Variants in POP1 observed in about 807,000 individuals in gnomAD.
The protein encoded by POP1 is POP1 ribonuclease P/MRP subunit.
Under a neutral mutation model 102.2 loss-of-function variants are expected in POP1, and 75 were observed. The observed-to-expected ratio is 0.73, with a 90% CI of 0.61 to 0.89. The LOEUF is 0.89. Ranked by LOEUF, POP1 falls within the 40% of genes least tolerant of loss-of-function variation. The probability of loss-of-function intolerance (pLI) is 0.00; values close to 1 mark genes in which losing one functional copy is unlikely to be tolerated. For missense variants in POP1, 1,116 were observed against 1,267.4 expected, an observed-to-expected ratio of 0.88 and a Z score of 1.81; for synonymous variants, 436 against 464.1, an observed-to-expected ratio of 0.94 and a Z score of 0.78.
intron 11 of POP1, among the ~76,000 whole-genome samples, chr8:98,145,722 A>G: frequency 6.6e-6 from 1 of 152,234 alleles, no homozygotes; most frequent in Admixed American, 6.5e-5. Flanking sequence ...CCTAGCCAAC[A>G]CGGTGAAATA....
intron 14 of POP1, among the ~76,000 whole-genome samples, chr8:98,154,892 A>G (rs572231783): frequency 2.0e-5 from 3 of 152,360 alleles, no homozygotes; most frequent in African/African-American, 7.2e-5. Context: ...TGTTAAATGA[A>G]AAAAGTGAAG....
chr8:98,157,970 G>A lies in POP1; in HGVS notation c.2774G>A (p.Arg925His), dbSNP rs756634206. The A allele has an allele frequency of 2.1e-5, 34 of 1,613,444 alleles. No homozygotes were observed. The highest frequency in any genetic ancestry group is 2.5e-5 in the Non-Finnish European group (29 of 1,180,058). Residue 925 changes from arginine (R) to histidine (H), a missense_variant, in exon 16 of 16, where the codon CGT becomes CAT. Transcript: ENST00000401707. ...AGGGAGAAGAGGCAGAAGCCAGGAC[G>A]TGCCTCTTCTGATGGCCCGGCGGGG... Reference protein sequence around the residue: ...KKREKRQKPGRASSDGPAGEE... With the variant: ...KKREKRQKPGHASSDGPAGEE...
At chr8:98,124,254 G>GT (rs910855517) in intron 2 of POP1, among the ~76,000 whole-genome samples, 21 of 152,126 alleles carry the variant, frequency 1.4e-4, no homozygotes, top group Admixed American at 1.2e-3. Flanking sequence ...AGGAGGAGTT[G>GT]TTTTTTGGAT....
intron 4 of POP1, 69 bp from the exon 5 acceptor site, chr8:98,129,909 A>G (rs1428682320): frequency 6.5e-7 from 1 of 1,549,506 alleles, no homozygotes; most frequent in East Asian, 2.2e-5. Flanking sequence ...ATTTGTTTGC[A>G]TTCCTGACCG....
At chr8:98,146,956 A>AT (rs1406316205) in intron 12 of POP1, among the ~76,000 whole-genome samples, 2 of 152,200 alleles carry the variant, frequency 1.3e-5, no homozygotes, top group African/African-American at 4.8e-5. Flanking sequence ...ACATACTGTG[A>AT]TTTTTTTCTG....
chr8:98,133,437 T>G (rs1276438747), intron 5 of POP1, among the ~76,000 whole-genome samples: 2 of 152,176 alleles, frequency 1.3e-5, no homozygotes, highest in African/African-American at 4.8e-5. Context: ...ATTGCAATAT[T>G]GTATCTCTAG....
chr8:98,121,664 C>T (rs187194394), intron 1 of POP1, among the ~76,000 whole-genome samples: 18 of 150,612 alleles, frequency 1.2e-4, no homozygotes, highest in African/African-American at 3.6e-4. Flanking sequence ...ACTACAGGTG[C>T]GCGCCACTGC....
intron 5 of POP1, among the ~76,000 whole-genome samples, chr8:98,130,680 G>T (rs1816357344): frequency 6.6e-6 from 1 of 152,162 alleles, no homozygotes; most frequent in South Asian, 2.1e-4. Flanking sequence ...GTAGGAACCA[G>T]GTCGTGCAGG....
At chr8:98,142,523 T>C (rs558271660) in intron 11 of POP1, among the ~76,000 whole-genome samples, 103 of 152,370 alleles carry the variant, frequency 6.8e-4, no homozygotes, top group African/African-American at 2.4e-3. Context: ...TTTCACTATA[T>C]AGGTAACTGG....
At chr8:98,154,340 G>A (rs903563544) in intron 14 of POP1, among the ~76,000 whole-genome samples, 1 of 152,216 alleles carries the variant, frequency 6.6e-6, no homozygotes, top group African/African-American at 2.4e-5. Context: ...AGGGACGGTG[G>A]TGTGAGCCAT....
intron 14 of POP1, among the ~76,000 whole-genome samples, chr8:98,153,898 C>T (rs1013594499): frequency 6.6e-6 from 1 of 152,110 alleles, no homozygotes; most frequent in African/African-American, 2.4e-5. Context: ...GGCTAGTTCT[C>T]CTTCCTCAGA....
intron 11 of POP1, among the ~76,000 whole-genome samples, chr8:98,141,720 A>ATTT (rs933222679): frequency 1.5e-5 from 2 of 133,144 alleles, no homozygotes; most frequent in African/African-American, 2.8e-5. Flanking sequence ...CGCCTGGCTA[A>ATTT]TTTTTTTTTT....
intron 15 of POP1, among the ~76,000 whole-genome samples, chr8:98,156,828 T>G (rs770176167): frequency 1.2e-4 from 18 of 152,062 alleles, no homozygotes; most frequent in Non-Finnish European, 1.8e-4. Flanking sequence ...GGATACACTA[T>G]GTTCTCCTCT....
chr8:98,138,226 T>C (rs1379626774), intron 9 of POP1, among the ~76,000 whole-genome samples: 1 of 152,226 alleles, frequency 6.6e-6, no homozygotes, highest in African/African-American at 2.4e-5. Context: ...AGTTTTTGAA[T>C]AGCTTCTCAT....
chr8:98,132,351 G>C (rs955107350), intron 5 of POP1, among the ~76,000 whole-genome samples: 3 of 152,158 alleles, frequency 2.0e-5, no homozygotes, highest in Non-Finnish European at 4.4e-5. Context: ...TGACTCCAGG[G>C]TTCCACACTC....
intron 2 of POP1, among the ~76,000 whole-genome samples, chr8:98,126,051 C>T (rs937677051): frequency 2.0e-5 from 3 of 150,298 alleles, no homozygotes; most frequent in African/African-American, 2.5e-5. Context: ...GGTTTTGCCA[C>T]GTTGACCAGT....
chr8:98,152,801 G>C (rs1448220494), intron 14 of POP1, among the ~76,000 whole-genome samples: 1 of 152,164 alleles, frequency 6.6e-6, no homozygotes, highest in Non-Finnish European at 1.5e-5. Flanking sequence ...ACTTTTTGCT[G>C]TGTGTTTCTG....
chr8:98,137,318 T>G (rs1346408181), intron 9 of POP1, among the ~76,000 whole-genome samples: 3 of 150,896 alleles, frequency 2.0e-5, no homozygotes, highest in African/African-American at 7.4e-5. Context: ...TTTTTTTTTT[T>G]CTGAGATTGA....
chr8:98,148,738 G>T (rs1271277028), intron 12 of POP1, 77 bp from the exon 13 acceptor site: 2 of 1,270,494 alleles, frequency 1.6e-6, no homozygotes, highest in Non-Finnish European at 2.2e-6. Context: ...ATTTTCTAAA[G>T]CTGCTTATAG....
Sources: gnomAD v4.1 joint callset for allele counts (sites outside exome capture counted in the v4.1 genomes callset) on GRCh38, gnomAD v4.1.1 for gene constraint, MANE v1.5 for transcripts, NCBI Gene and HGNC (gene_info 2026-07-23, HGNC 2026-07-21) for gene names.